Variants in ANKRD6 observed in about 807,000 individuals in gnomAD.
The protein encoded by ANKRD6 is ankyrin repeat domain 6.
In ANKRD6, 56 loss-of-function variants were observed where a neutral mutation model predicts 82.3. The observed-to-expected ratio is 0.68, with a 90% CI of 0.55 to 0.85. The LOEUF (loss-of-function observed/expected upper bound fraction) is 0.85, where lower values mean the gene tolerates loss of function less well. Among genes scored for constraint, ANKRD6 ranks in the 40% least tolerant of loss-of-function variants. The pLI is 0.00. For missense variants in ANKRD6, 852 were observed against 907.6 expected (o/e 0.94, Z 0.79); for synonymous variants, 347 against 352.1 (o/e 0.99, Z 0.16).
At chr6:89,533,348 AAAT>A (rs1480332473) in intron 1 of ANKRD6, among the ~76,000 whole-genome samples, 1 of 152,192 alleles carries the variant, frequency 6.6e-6, no homozygotes, top group East Asian at 1.9e-4. Context: ...CTGGGCTTTA[AAAT>A]AATAATGAGT....
chr6:89,623,440 AGTGAACAGGCT>A lies in ANKRD6; in HGVS notation c.932_942del (p.Glu311GlyfsTer22), dbSNP rs764542933. The A allele has an allele frequency of 1.1e-5, 18 of 1,612,038 alleles. No homozygotes were observed. The highest frequency in any genetic ancestry group is 1.4e-5 in the Non-Finnish European group (16 of 1,179,054). Reference sequence around the variant, plus strand: ...TGTCTCAGCAGGAGACACCCCCAGCAGTGAACAGGCTGTGGCCAGAAAAGAAGAAGCCAGAG... The same window carrying A: ...TGTCTCAGCAGGAGACACCCCCAGCAGTGGCCAGAAAAGAAGAAGCCAGAG... On this transcript the variant is annotated frameshift_variant, in exon 11 of 16. Transcript: ENST00000339746. LOFTEE classifies it high-confidence loss of function.
At chr6:89,580,168 T>A (rs984324966) in intron 2 of ANKRD6, among the ~76,000 whole-genome samples, 1 of 152,024 alleles carries the variant, frequency 6.6e-6, no homozygotes. Flanking sequence ...TTTAAAAAAG[T>A]TGATTTTGTT....
At chr6:89,574,702 A>C (rs1790716943) in intron 2 of ANKRD6, among the ~76,000 whole-genome samples, 1 of 152,190 alleles carries the variant, frequency 6.6e-6, no homozygotes, top group Admixed American at 6.5e-5. Context: ...CAGATGAGGA[A>C]ACTGAGGCAA....
At chr6:89,496,666 GCACCTGCCACCACAC>G (rs1048133135) in intron 1 of ANKRD6, among the ~76,000 whole-genome samples, 3 of 152,076 alleles carry the variant, frequency 2.0e-5, no homozygotes, top group African/African-American at 7.2e-5. Context: ...GGGATTACAG[GCACCTGCCACCACAC>G]CCAGCTAATT....
In ANKRD6 at chr6:89,602,971, T is replaced by G. The variant is rs1213082591; in HGVS notation, c.220-58T>G. The G allele has an allele frequency of 3.5e-6, 5 of 1,421,398 alleles. No individual in the cohort carries two copies. In the African/African-American group the frequency reaches 7.1e-5, roughly 20 times the overall value. 88.0% of individuals were successfully genotyped at this position (1,421,398 alleles called of 1,614,324 possible). A position where few individuals can be genotyped will look rare whatever the true frequency, so the allele number is the denominator to read the frequency against. ...TTGTGTCCAAGTGTCAAGTGAGTAGTGCAAGCAGGGGGTGCAGGGGAGCTG... is the reference window on the plus strand; with the variant it reads ...TTGTGTCCAAGTGTCAAGTGAGTAGGGCAAGCAGGGGGTGCAGGGGAGCTG... On this transcript the variant is annotated intron_variant, in intron 3 of 15. Transcript: ENST00000339746.
chr6:89,461,193 A>T (rs1266827944), intron 1 of ANKRD6, among the ~76,000 whole-genome samples: 1 of 152,080 alleles, frequency 6.6e-6, no homozygotes, highest in African/African-American at 2.4e-5. Context: ...GGATTACAGG[A>T]GTGAGCCACC....
chr6:89,444,822 G>A (rs1368407474), intron 1 of ANKRD6, among the ~76,000 whole-genome samples: 1 of 152,120 alleles, frequency 6.6e-6, no homozygotes, highest in Non-Finnish European at 1.5e-5. Flanking sequence ...AAAAAAATTA[G>A]GCAGGCATGG....
intron 1 of ANKRD6, among the ~76,000 whole-genome samples, chr6:89,514,314 G>T (rs992020855): frequency 2.0e-5 from 3 of 152,086 alleles, no homozygotes; most frequent in East Asian, 1.9e-4. Flanking sequence ...GGGGGCGGAG[G>T]TTGCAGTGAG....
At chr6:89,481,996 G>T (rs998282847) in intron 1 of ANKRD6, among the ~76,000 whole-genome samples, 10 of 152,170 alleles carry the variant, frequency 6.6e-5, no homozygotes, top group African/African-American at 2.2e-4. Context: ...GAGCTTTCCA[G>T]GAGGAAAGAT....
chr6:89,566,928 C>T lies in ANKRD6; in HGVS notation c.-49C>T. On this transcript the variant is annotated 5_prime_UTR_variant, in exon 2 of 16. Coordinates refer to ENST00000339746, the MANE Select transcript of ANKRD6 (RefSeq NM_001242809.2). ...GCCGGGCCAGTGACTTCGTGTTGAG[C>T]TGAAGGAACTTGTCTACCGCTTCCC... The T allele has an allele frequency of 6.4e-7, 1 of 1,550,554 alleles. No individual in the cohort carries two copies. Among genetic ancestry groups the T allele is most frequent in the Non-Finnish European group, 8.7e-7 (1 of 1,146,156 alleles).
chr6:89,577,618 G>A (rs1443177134), intron 2 of ANKRD6, among the ~76,000 whole-genome samples: 8 of 152,050 alleles, frequency 5.3e-5, no homozygotes, highest in Non-Finnish European at 1.5e-5. Flanking sequence ...TTAAGAAGCT[G>A]GTTAGCCTGG....
At chr6:89,443,210 G>A (rs1771646076) in intron 1 of ANKRD6, among the ~76,000 whole-genome samples, 1 of 152,134 alleles carries the variant, frequency 6.6e-6, no homozygotes, top group Non-Finnish European at 1.5e-5. Flanking sequence ...GTATAATGAA[G>A]CACATCTGCT....
intron 1 of ANKRD6, among the ~76,000 whole-genome samples, chr6:89,470,643 G>A (rs1453294185): frequency 6.7e-6 from 1 of 149,532 alleles, no homozygotes; most frequent in Admixed American, 6.7e-5. Context: ...TGATGATGAT[G>A]TACTCCCCCT....
At chr6:89,580,310 G>A (rs536314216) in intron 2 of ANKRD6, among the ~76,000 whole-genome samples, 5 of 151,792 alleles carry the variant, frequency 3.3e-5, no homozygotes, top group South Asian at 2.1e-4. Flanking sequence ...TGTGGTTCCC[G>A]TGGGGCTTTT....
chr6:89,563,123 T>C (rs1476770295), intron 1 of ANKRD6, among the ~76,000 whole-genome samples: 1 of 152,126 alleles, frequency 6.6e-6, no homozygotes, highest in Non-Finnish European at 1.5e-5. Context: ...TTCTCCAAAG[T>C]ATAGGAGAAT....
chr6:89,441,437 G>A (rs980906577), intron 1 of ANKRD6, among the ~76,000 whole-genome samples: 7 of 152,140 alleles, frequency 4.6e-5, no homozygotes, highest in African/African-American at 1.7e-4. Flanking sequence ...ACAGGCATGA[G>A]CCACTGCACC....
chr6:89,540,828 T>C (rs1784368120), intron 1 of ANKRD6, among the ~76,000 whole-genome samples: 1 of 152,228 alleles, frequency 6.6e-6, no homozygotes, highest in South Asian at 2.1e-4. Flanking sequence ...GGGTCTAGTT[T>C]CATTCTTCTG....
chr6:89,617,976 C>T lies in ANKRD6; in HGVS notation c.737C>T (p.Thr246Ile), dbSNP rs1466848770. 3 of 1,613,954 alleles carry T rather than the reference C, an allele frequency of 1.9e-6. No homozygotes were observed. The highest frequency in any genetic ancestry group is 2.7e-5 in the African/African-American group (2 of 74,956). Residue 246 changes from threonine to isoleucine, a missense_variant, in exon 9 of 16, where the codon ACT becomes ATT. By Grantham distance (89) the Thr-to-Ile change is moderately conservative (BLOSUM62 -1). Transcript: ENST00000339746. ...CAGGCAGGCCAGACTCCGCTGGAGA[C>T]TGCCCGCTACCACAATAACCCGGAA... is the stretch of plus-strand genomic sequence containing the variant. ...VNNAGQTPLE[T>I]ARYHNNPEVA...
chr6:89,515,304 G>C (rs542947121), intron 1 of ANKRD6, among the ~76,000 whole-genome samples: 1 of 152,270 alleles, frequency 6.6e-6, no homozygotes, highest in African/African-American at 2.4e-5. Flanking sequence ...CTTCACAGCT[G>C]CTTGCAAATC....
Sources: allele counts gnomAD v4.1 joint callset (sites outside exome capture counted in the v4.1 genomes callset), GRCh38; gene constraint gnomAD v4.1.1; transcripts MANE v1.5; gene names NCBI Gene and HGNC (gene_info 2026-07-23, HGNC 2026-07-21).